The following CADPS variants were observed in gnomAD, a reference collection of about 807,000 sequenced individuals.
CADPS encodes the protein calcium-dependent secretion activator 1.
In CADPS, 57 loss-of-function variants were observed where a neutral mutation model predicts 167.3. That is an observed-to-expected ratio of 0.34 (90% confidence interval 0.28 to 0.42). The LOEUF is 0.42. CADPS is among the 20% of genes least tolerant of loss of function. CADPS has a pLI of 1.00. For missense variants in CADPS, 1,414 were observed against 1,738.1 expected (o/e 0.81, Z 3.32); for synonymous variants, 676 against 635.3 (o/e 1.06, Z -0.96).
chr3:62,477,314 GTTTTT>G (rs34963178), intron 23 of CADPS, among the ~76,000 whole-genome samples: 49 of 139,178 alleles, frequency 3.5e-4, no homozygotes, highest in African/African-American at 1.4e-3. Flanking sequence ...TGCAATCTGG[GTTTTT>G]TTTTTTTTTT....
intron 13 of CADPS, chr3:62,530,607 G>A (rs1286413662): frequency 1.5e-5 from 18 of 1,163,898 alleles, no homozygotes; most frequent in Non-Finnish European, 2.0e-5. Context: ...CTTGGGGAAA[G>A]GGTAAAGATA....
Position 62,446,035 on chromosome 3 carries a change from G to A in CADPS, c.3637-238C>T, listed in dbSNP as rs889217822. Among the ~76,000 whole-genome samples the A allele has an allele frequency of 3.3e-5, 5 of 152,154 alleles. No individual in the cohort carries two copies. Among genetic ancestry groups the A allele is most frequent in the Non-Finnish European group, 5.9e-5 (4 of 68,028 alleles). ...CTGATTCAGATTCTGTTGCTGGAGC[G>A]GGAGCTTTACATTTTCCTCCCTCCC... On this transcript the variant is annotated intron_variant, in intron 26 of 29. Transcript: ENST00000383710. The surrounding 1 kb of genome is among the most constrained non-coding windows in gnomAD (Gnocchi z 4.9).
chr3:62,598,102 C>G (rs900369501), intron 6 of CADPS, among the ~76,000 whole-genome samples: 14 of 152,112 alleles, frequency 9.2e-5, no homozygotes, highest in Non-Finnish European at 2.1e-4. Context: ...TCCATCGTTC[C>G]ATGGGATGTC....
At chr3:62,633,775 T>C (rs899151822) in intron 6 of CADPS, among the ~76,000 whole-genome samples, 2 of 152,154 alleles carry the variant, frequency 1.3e-5, no homozygotes, top group Admixed American at 6.5e-5. Flanking sequence ...TTTGGCTGAA[T>C]GCTAAATGGG....
intron 3 of CADPS, among the ~76,000 whole-genome samples, chr3:62,705,022 T>G (rs553207317): frequency 6.6e-6 from 1 of 152,116 alleles, no homozygotes; most frequent in East Asian, 1.9e-4. Context: ...TGCACCTTGA[T>G]GATGCTTGGG....
At chr3:62,771,497 A>T (rs966213646) in intron 1 of CADPS, among the ~76,000 whole-genome samples, 1 of 152,178 alleles carries the variant, frequency 6.6e-6, no homozygotes, top group Non-Finnish European at 1.5e-5. Flanking sequence ...TGAACCCAAA[A>T]GGTGACCTTG....
At position 62,420,546 on chromosome 3, in the gene CADPS, A is replaced by T. The variant is rs2051080854; in HGVS notation, c.3778-17361T>A. Among the ~76,000 whole-genome samples, 1 of 152,150 alleles carries T rather than the reference A, an allele frequency of 6.6e-6. No homozygotes were observed. Among genetic ancestry groups the T allele is most frequent in the Non-Finnish European group, 1.5e-5 (1 of 68,028 alleles). On this transcript the variant is annotated intron_variant, in intron 28 of 29. Coordinates refer to ENST00000383710, the MANE Select transcript of CADPS (RefSeq NM_003716.4). The surrounding 1 kb of genome is among the most constrained non-coding windows in gnomAD (Gnocchi z 4.1). ...AAGATGGCAGCAGATTGGGGAGAGC[A>T]TGGCAGGCAGCACAGGTGGATGGAG...
At chr3:62,654,891 G>A (rs1313495784) in intron 4 of CADPS, among the ~76,000 whole-genome samples, 1 of 152,146 alleles carries the variant, frequency 6.6e-6, no homozygotes, top group Non-Finnish European at 1.5e-5. Flanking sequence ...AATCAATTTT[G>A]AGAGACTGTC....
chr3:62,421,574 A>C lies in CADPS; in HGVS notation c.3777+16530T>G, dbSNP rs1189521598. On this transcript the variant is annotated intron_variant, in intron 28 of 29. Coordinates refer to ENST00000383710, the MANE Select transcript of CADPS (RefSeq NM_003716.4). The surrounding 1 kb of genome is among the most constrained non-coding windows in gnomAD (Gnocchi z 4.7). ...CTTTCTATAAGGAACAACATGTTAT[A>C]GACAGTAGTCTTGCTAGAAAGAGAC... is the stretch of plus-strand genomic sequence containing the variant. Among the ~76,000 whole-genome samples the C allele has an allele frequency of 4.6e-5, 7 of 152,262 alleles. No homozygotes were observed. Among genetic ancestry groups the C allele is most frequent in the Admixed American group, 4.6e-4 (7 of 15,288 alleles).
At chr3:62,747,811 C>T (rs2081808701) in intron 3 of CADPS, among the ~76,000 whole-genome samples, 1 of 152,016 alleles carries the variant, frequency 6.6e-6, no homozygotes, top group African/African-American at 2.4e-5. Flanking sequence ...TCCCTGCTGC[C>T]AGTTGGGCAC....
At chr3:62,770,269 A>G (rs1226180371) in intron 1 of CADPS, among the ~76,000 whole-genome samples, 1 of 152,228 alleles carries the variant, frequency 6.6e-6, no homozygotes, top group Non-Finnish European at 1.5e-5. Context: ...AAGTTCTCCC[A>G]GATAATCTCT....
At chr3:62,734,262 T>A (rs534174486) in intron 3 of CADPS, among the ~76,000 whole-genome samples, 1 of 152,330 alleles carries the variant, frequency 6.6e-6, no homozygotes, top group Non-Finnish European at 1.5e-5. Context: ...AAATGTTCTA[T>A]GTCTGTGCTG....
chr3:62,532,763 AC>A, intron 13 of CADPS, 107 bp downstream of exon 13: 1 of 843,062 alleles, frequency 1.2e-6, no homozygotes, highest in East Asian at 2.7e-5. Flanking sequence ...GTGTGCACAT[AC>A]CACCGAAGGA....
At chr3:62,621,638 A>G (rs946775742) in intron 6 of CADPS, among the ~76,000 whole-genome samples, 1 of 152,092 alleles carries the variant, frequency 6.6e-6, no homozygotes, top group Admixed American at 6.6e-5. Flanking sequence ...TTACTTACAC[A>G]GGTAAACATG....
chr3:62,545,351 G>T (rs1213375120), intron 11 of CADPS, among the ~76,000 whole-genome samples: 1 of 152,028 alleles, frequency 6.6e-6, no homozygotes, highest in Admixed American at 6.6e-5. Context: ...ATAATAAATC[G>T]TGGAACACTC....
In CADPS at chr3:62,474,243, G is replaced by C; in HGVS notation, c.3407C>G (p.Thr1136Ser). 1 of 1,571,198 alleles carries C rather than the reference G, an allele frequency of 6.4e-7. No individual in the cohort carries two copies. Among genetic ancestry groups the C allele is most frequent in the Non-Finnish European group, 8.6e-7 (1 of 1,158,892 alleles). ...GGCATCAACCATAACATTAAACATGGTGCATATTGACTGTGGGACTCGAAA... is the reference window on the plus strand; with the variant it reads ...GGCATCAACCATAACATTAAACATGCTGCATATTGACTGTGGGACTCGAAA... ...TDFRVPQSIC[T>S]MFNVMVDAKA... The change falls in exon 24 of 30, where the codon ACC becomes AGC. Residue 1136 changes from threonine to serine, a missense_variant. By Grantham distance (58) the Thr-to-Ser change is moderately conservative. Transcript: ENST00000383710.
chr3:62,516,137 T>C lies in CADPS; in HGVS notation c.2503A>G (p.Lys835Glu), dbSNP rs567780877. 5 of 1,613,358 alleles carry C rather than the reference T, an allele frequency of 3.1e-6. No individual in the cohort carries two copies. The South Asian group carries it at 4.4e-5, about 14-fold the overall frequency. The change falls in exon 16 of 30, where the codon AAA becomes GAA. Residue 835 changes from lysine (K) to glutamate (E), a missense_variant. Transcript: ENST00000383710. ...TCCAGACATTTACGGATAACTGTTT[T>C]TACCTCCTCTTGTGGCACTGGGGTA... ...IVTPVPQEEV[K>E]TVIRKCLEQA...
In CADPS at chr3:62,874,949, G is replaced by A. The variant is rs780958481; in HGVS notation, c.81C>T (p.Ala27=). Reference sequence around the variant, plus strand: ...TGGGAGACAGGCGCGCGCCGGACGGGGCCGAGCCGAGCACCTCCTTGCCGC... The same window carrying A: ...TGGGAGACAGGCGCGCGCCGGACGGAGCCGAGCCGAGCACCTCCTTGCCGC... ...EESGKEVLGS[A]PSGARLSPSR... The change falls in exon 1 of 30, where the codon GCC becomes GCT. Residue 27 remains alanine, a synonymous_variant. Transcript: ENST00000383710. This position sits in a 1 kb window ranked among gnomAD's most constrained non-coding sequence, Gnocchi z 7.1. 10 of 1,566,978 alleles carry A rather than the reference G, an allele frequency of 6.4e-6. No homozygotes were observed. The East Asian group carries it at 7.8e-5, about 12-fold the overall frequency.
At chr3:62,608,621 A>T (rs2061038792) in intron 6 of CADPS, among the ~76,000 whole-genome samples, 1 of 152,176 alleles carries the variant, frequency 6.6e-6, no homozygotes, top group African/African-American at 2.4e-5. Context: ...ATATAGGTTA[A>T]ATTTAAAAGA....
Sources: gnomAD v4.1 joint callset for allele counts (sites outside exome capture counted in the v4.1 genomes callset) on GRCh38, gnomAD v4.1.1 for gene constraint, Gnocchi (gnomAD v3.1) non-coding constraint, MANE v1.5 for transcripts, NCBI Gene and HGNC (gene_info 2026-07-23, HGNC 2026-07-21) for gene names.